ADGRB3: variants seen among roughly 807,000 people sequenced by gnomAD.
The protein encoded by ADGRB3 is adhesion G protein-coupled receptor B3.
In ADGRB3, 37 loss-of-function variants were observed where a neutral mutation model predicts 193.4. The observed-to-expected ratio is 0.19, with a 90% CI of 0.15 to 0.25. The LOEUF (loss-of-function observed/expected upper bound fraction) is 0.25, where lower values mean the gene tolerates loss of function less well. Among genes scored for constraint, ADGRB3 ranks in the 10% least tolerant of loss-of-function variants. The pLI, the probability that ADGRB3 is intolerant of heterozygous loss-of-function variation, is 1.00. For synonymous variants in ADGRB3, 690 were observed against 644.2 expected, an observed-to-expected ratio of 1.07 and a Z score of -1.08; for missense variants, 1,637 against 1,852.9, an observed-to-expected ratio of 0.88 and a Z score of 2.14.
At chr6:68,783,426 T>C (rs1019265215) in intron 3 of ADGRB3, among the ~76,000 whole-genome samples, 17 of 151,222 alleles carry the variant, frequency 1.1e-4, no homozygotes, top group Non-Finnish European at 2.9e-5. Flanking sequence ...AGCCAATTCC[T>C]TCCAGGGAAA....
At chr6:69,164,853 T>C (rs1293661977) in intron 17 of ADGRB3, among the ~76,000 whole-genome samples, 1 of 152,046 alleles carries the variant, frequency 6.6e-6, no homozygotes. Flanking sequence ...GTTTCAAAGC[T>C]CTTTAAGGGC....
intron 27 of ADGRB3, 78 bp downstream of exon 27, chr6:69,354,406 T>G (rs891524079): frequency 3.2e-6 from 4 of 1,247,506 alleles, no homozygotes; most frequent in Non-Finnish European, 4.7e-6. Context: ...ATGAGTAAAA[T>G]AGTGTAAAAT....
intron 3 of ADGRB3, among the ~76,000 whole-genome samples, chr6:68,921,744 G>A (rs1358559204): frequency 6.6e-6 from 1 of 151,208 alleles, no homozygotes; most frequent in African/African-American, 2.4e-5. Flanking sequence ...AGAATAGAAG[G>A]ATAGACTGAT....
At chr6:69,153,191 G>A (rs868150539) in intron 17 of ADGRB3, among the ~76,000 whole-genome samples, 5 of 152,010 alleles carry the variant, frequency 3.3e-5, no homozygotes, top group African/African-American at 1.2e-4. Context: ...AGTTTTTAGA[G>A]AACATAGTAT....
chr6:68,854,174 T>C (rs1341780654), intron 3 of ADGRB3, among the ~76,000 whole-genome samples: 2 of 152,190 alleles, frequency 1.3e-5, no homozygotes, highest in Non-Finnish European at 2.9e-5. Context: ...ATTTGTCATT[T>C]CCTTCCATTA....
At chr6:68,768,129 A>G (rs1282230324) in intron 3 of ADGRB3, among the ~76,000 whole-genome samples, 1 of 152,214 alleles carries the variant, frequency 6.6e-6, no homozygotes, top group Admixed American at 6.5e-5. Context: ...AGTAATTTAT[A>G]GATTCAATGA....
intron 17 of ADGRB3, among the ~76,000 whole-genome samples, chr6:69,096,998 T>C (rs1344107538): frequency 6.6e-6 from 1 of 152,248 alleles, no homozygotes; most frequent in African/African-American, 2.4e-5. Flanking sequence ...TCCTGCTTTA[T>C]ATAAATAGTA....
chr6:68,729,973 A>G (rs1765742099), intron 3 of ADGRB3, among the ~76,000 whole-genome samples: 2 of 151,664 alleles, frequency 1.3e-5, no homozygotes, highest in South Asian at 2.1e-4. Context: ...AATCTGGTGG[A>G]AAAGGATGCT....
chr6:69,122,482 GGGGGGAGGGGGA>G (rs1213749888), intron 17 of ADGRB3, among the ~76,000 whole-genome samples: 71 of 17,104 alleles, frequency 4.2e-3, no homozygotes, highest in East Asian at 0.024. Context: ...GGGAGGGGGA[GGGGGGAGGGGGA>G]GGGGGAGAGG....
chr6:69,196,712 A>G (rs907094353), intron 17 of ADGRB3, among the ~76,000 whole-genome samples: 4 of 152,148 alleles, frequency 2.6e-5, no homozygotes, highest in African/African-American at 9.6e-5. Flanking sequence ...TGGGACTTCA[A>G]TGTATGAATT....
chr6:69,003,913 T>C (rs1011331670), intron 11 of ADGRB3, among the ~76,000 whole-genome samples: 56 of 152,144 alleles, frequency 3.7e-4, no homozygotes, highest in African/African-American at 1.2e-3. Flanking sequence ...GTTTTAAGAA[T>C]GTATGAAGTG....
At chr6:68,791,192 G>GA (rs970061783) in intron 3 of ADGRB3, among the ~76,000 whole-genome samples, 3 of 151,934 alleles carry the variant, frequency 2.0e-5, no homozygotes, top group Non-Finnish European at 4.4e-5. Context: ...GTTTTATTCA[G>GA]AAAAAAATGT....
chr6:69,266,339 A>G (rs1767039301), intron 20 of ADGRB3, among the ~76,000 whole-genome samples: 1 of 152,026 alleles, frequency 6.6e-6, no homozygotes, highest in Non-Finnish European at 1.5e-5. Flanking sequence ...AACCTATGTT[A>G]GTATTTCAAT....
chr6:69,149,429 G>T (rs1774603315), intron 17 of ADGRB3, among the ~76,000 whole-genome samples: 1 of 151,830 alleles, frequency 6.6e-6, no homozygotes, highest in Admixed American at 6.6e-5. Flanking sequence ...AATCTATCAT[G>T]ATCCTGAACT....
chr6:69,363,647 A>G (rs1439697724), intron 29 of ADGRB3, among the ~76,000 whole-genome samples: 1 of 152,042 alleles, frequency 6.6e-6, no homozygotes, highest in African/African-American at 2.4e-5. Context: ...GGTAACTTTA[A>G]AGTTCTTTCT....
At position 69,232,943 on chromosome 6, in the gene ADGRB3, A is replaced by G. The variant is rs1420794353; in HGVS notation, c.2481-347A>G. On this transcript the variant is annotated intron_variant, in intron 17 of 31. Coordinates refer to ENST00000370598, the MANE Select transcript of ADGRB3 (RefSeq NM_001704.3). The stretch of plus-strand genomic sequence containing the variant: ...CACCCTGAGTATTTGAAACAATCCG[A>G]TGAGCATAGGAAGTGGCTGCCAACG... 2.4e-5 allele frequency: 11 copies of G among 453,482 alleles called. No individual in the cohort carries two copies. In the Admixed American group the frequency reaches 4.3e-4, roughly 18 times the overall value. 28.1% of individuals were successfully genotyped at this position (453,482 alleles called of 1,614,324 possible). A position where few individuals can be genotyped will look rare whatever the true frequency, so the allele number is the denominator to read the frequency against.
intron 20 of ADGRB3, among the ~76,000 whole-genome samples, chr6:69,263,184 G>A (rs1766966904): frequency 6.6e-6 from 1 of 151,996 alleles, no homozygotes; most frequent in Admixed American, 6.6e-5. Flanking sequence ...ACAAAGACAT[G>A]AAGGAACTCC....
chr6:68,913,802 T>A (rs909830625), intron 3 of ADGRB3, among the ~76,000 whole-genome samples: 46 of 151,846 alleles, frequency 3.0e-4, no homozygotes, highest in African/African-American at 7.3e-5. Flanking sequence ...TGAAAAAAAA[T>A]TAGGTGAATG....
At chr6:69,381,974 A>G (rs1769955617) in intron 30 of ADGRB3, among the ~76,000 whole-genome samples, 1 of 151,908 alleles carries the variant, frequency 6.6e-6, no homozygotes, top group Non-Finnish European at 1.5e-5. Flanking sequence ...TTACAAATAC[A>G]GGGCACTTAT....
Sources: gnomAD v4.1 joint callset for allele counts (sites outside exome capture counted in the v4.1 genomes callset) on GRCh38, gnomAD v4.1.1 for gene constraint, MANE v1.5 for transcripts, NCBI Gene and HGNC (gene_info 2026-07-23, HGNC 2026-07-21) for gene names.